Variants in ADGRG1 observed in about 807,000 individuals in gnomAD.
The protein encoded by ADGRG1 is adhesion G protein-coupled receptor G1.
ADGRG1 carries 53 observed loss-of-function variants against 73.5 expected under a neutral mutation model. The ratio of observed to expected loss-of-function variants is 0.72; its 90% confidence interval spans 0.58 to 0.91. The LOEUF (loss-of-function observed/expected upper bound fraction) is 0.91. Among genes scored for constraint, ADGRG1 ranks in the 40% least tolerant of loss-of-function variants. ADGRG1 has a pLI of 0.00. For synonymous variants in ADGRG1, 394 were observed against 374.4 expected (o/e 1.05, Z -0.60); for missense variants, 795 against 871.8 (o/e 0.91, Z 1.11).
chr16:57,653,624 G>A, intron 4 of ADGRG1: 8 of 971,342 alleles, frequency 8.2e-6, no homozygotes, highest in Middle Eastern at 5.3e-4. Context: ...GCTCAGAGAC[G>A]GCAGAGCCGC....
At chr16:57,660,580 GAAACCC>G in intron 11 of ADGRG1, 182 bp from the exon 12 acceptor site, 1 of 875,202 alleles carries the variant, frequency 1.1e-6, no homozygotes, top group African/African-American at 1.8e-5. Context: ...CCCCTTATAG[GAAACCC>G]ATACTGGAAT....
At chr16:57,623,866 C>A (rs191665667), upstream of ADGRG1, 7 of 974,444 alleles carry the variant, frequency 7.2e-6, no homozygotes, top group Non-Finnish European at 8.5e-6. Flanking sequence ...GAACATTGGC[C>A]GCAAAACACA....
At position 57,657,360 on chromosome 16, in the gene ADGRG1, C is replaced by G. The variant is rs982755512; in HGVS notation, c.1168-13C>G. On this transcript the variant is annotated splice_polypyrimidine_tract_variant and intron_variant, in intron 9 of 13. Transcript: ENST00000562631. ...GACACAGAGGCCAGCTCTCTCCTGT[C>G]TCCTGGGGCCAGGTCTCCTCGGTGG... 6.2e-7 allele frequency: 1 copy of G among 1,613,950 alleles called. No individual in the cohort carries two copies. The highest frequency in any genetic ancestry group is 1.1e-5 in the South Asian group (1 of 91,078).
At chr16:57,655,075 C>G (rs2148395400) in intron 5 of ADGRG1, 1 of 985,222 alleles carries the variant, frequency 1.0e-6, no homozygotes, top group East Asian at 1.1e-4. Context: ...GGGAACCACC[C>G]ACACTGCCCA....
chr16:57,641,820 T>C lies in ADGRG1; in HGVS notation c.-35-8433T>C, dbSNP rs149722665. 4.0e-3 allele frequency: 649 copies of C among 163,642 alleles called. 1 individual carries two copies. Among genetic ancestry groups the C allele is most frequent in the African/African-American group, 0.015 (610 of 41,752 alleles). 10.1% of individuals were successfully genotyped at this position (163,642 alleles called of 1,614,324 possible). On this transcript the variant is annotated intron_variant, in intron 1 of 13. Coordinates refer to ENST00000562631, the MANE Select transcript of ADGRG1 (RefSeq NM_201525.4). ...CCTCAAATGATCTGCCCACCTTGGC[T>C]TCCCAAAGTGCTGGGATTACAGGCG...
chr16:57,654,246 C>T (rs1186005556), intron 5 of ADGRG1, 113 bp downstream of exon 5: 70 of 1,097,210 alleles, frequency 6.4e-5, no homozygotes, highest in Admixed American at 1.1e-4. Context: ...TCCCTGGGGC[C>T]TCCCGAGAAG....
At chr16:57,645,569 C>T (rs191302051) in intron 1 of ADGRG1, among the ~76,000 whole-genome samples, 1 of 152,334 alleles carries the variant, frequency 6.6e-6, no homozygotes, top group African/African-American at 2.4e-5. Flanking sequence ...GGATGCGGGG[C>T]CAGTCCCTCC....
intron 1 of ADGRG1, chr16:57,645,040 C>A (rs2042225078): frequency 3.1e-6 from 3 of 977,864 alleles, no homozygotes; most frequent in Non-Finnish European, 3.6e-6. Flanking sequence ...CACACTCATG[C>A]ACATACACAC....
In ADGRG1 at chr16:57,653,350, T is replaced by C; in HGVS notation, c.620+15T>C. 1 of 1,606,216 alleles carries C rather than the reference T, an allele frequency of 6.2e-7. No homozygotes were observed. Among genetic ancestry groups the C allele is most frequent in the Middle Eastern group, 1.7e-4 (1 of 6,056 alleles). ...CCCGCCAGCCAGTAAGTTTGGCACCTGGGGCTGTGAGGGGAGGCAGGAAGG... is the reference window on the plus strand; with the variant it reads ...CCCGCCAGCCAGTAAGTTTGGCACCCGGGGCTGTGAGGGGAGGCAGGAAGG... On this transcript the variant is annotated intron_variant, in intron 4 of 13. Coordinates refer to ENST00000562631, the MANE Select transcript of ADGRG1 (RefSeq NM_201525.4).
rs2046279354 is a variant in ADGRG1 at position 57,658,432 on chromosome 16, A to G, written c.1286+941A>G. Among the ~76,000 whole-genome samples, 3 of 152,314 alleles carry G rather than the reference A, an allele frequency of 2.0e-5. No homozygotes were observed. The South Asian group carries it at 6.2e-4, about 32-fold the overall frequency. Reference sequence around the variant, plus strand: ...TCCACTTGCCCTCAGCGCTGAACCCATTTGGGTAGAGGAGAGGCACCCTCG... The same window carrying G: ...TCCACTTGCCCTCAGCGCTGAACCCGTTTGGGTAGAGGAGAGGCACCCTCG... On this transcript the variant is annotated intron_variant, in intron 10 of 13. Coordinates refer to ENST00000562631, the MANE Select transcript of ADGRG1 (RefSeq NM_201525.4).
chr16:57,624,620 C>A, upstream of ADGRG1: 1 of 475,652 alleles, frequency 2.1e-6, no homozygotes, highest in Non-Finnish European at 2.7e-6. Context: ...CTGCTCTGGC[C>A]AGAGGGTTAG....
At position 57,656,246 on chromosome 16, in the gene ADGRG1, T is replaced by C; in HGVS notation, c.1038T>C (p.Cys346=). Residue 346 remains cysteine, a synonymous_variant, in exon 8 of 14, where the codon TGT becomes TGC. Coordinates refer to ENST00000562631, the MANE Select transcript of ADGRG1 (RefSeq NM_201525.4). ...TACAGAAGAATGTGACTCTGCAATGTGTGTTCTGGGTTGAAGACCCCACAT... is the reference window on the plus strand; with the variant it reads ...TACAGAAGAATGTGACTCTGCAATGCGTGTTCTGGGTTGAAGACCCCACAT... ...QLQPKNVTLQ[C]VFWVEDPTLS... is the part of the protein sequence containing the mutation. 6.2e-7 allele frequency: 1 copy of C among 1,610,488 alleles called. No homozygotes were observed. The highest frequency in any genetic ancestry group is 1.3e-5 in the African/African-American group (1 of 74,448).
At chr16:57,650,192 C>T (rs2043695984) in intron 1 of ADGRG1, 61 bp from the exon 2 acceptor site, 1 of 1,562,286 alleles carries the variant, frequency 6.4e-7, no homozygotes, top group Non-Finnish European at 8.8e-7. Flanking sequence ...TCCTCTTCTG[C>T]AGGGCCAGCC....
At chr16:57,656,728 A>G (rs1172246459) in intron 9 of ADGRG1, 111 bp downstream of exon 9, 20 of 785,058 alleles carry the variant, frequency 2.5e-5, no homozygotes, top group Non-Finnish European at 4.2e-5. Context: ...TCTCCAAGGT[A>G]GCTTCTATTG....
chr16:57,644,472 A>G (rs1200081339), intron 1 of ADGRG1, among the ~76,000 whole-genome samples: 1 of 148,948 alleles, frequency 6.7e-6, no homozygotes, highest in Non-Finnish European at 1.5e-5. Flanking sequence ...ATGCACGGGC[A>G]CACACACCCA....
chr16:57,653,121 T>C, intron 3 of ADGRG1, 82 bp from the exon 4 acceptor site: 1 of 1,596,688 alleles, frequency 6.3e-7, no homozygotes. Flanking sequence ...CAGAGTCATG[T>C]CAGGGTGGTA....
intron 1 of ADGRG1, chr16:57,632,188 G>A (rs892105157): frequency 2.9e-5 from 29 of 985,340 alleles, no homozygotes; most frequent in Non-Finnish European, 2.0e-5. Flanking sequence ...CTTGTCCCTT[G>A]GTGGAGAGGA....
At chr16:57,645,083 G>C (rs2042250439) in intron 1 of ADGRG1, 7 of 985,398 alleles carry the variant, frequency 7.1e-6, no homozygotes, top group Non-Finnish European at 8.4e-6. Flanking sequence ...CCACATGCCT[G>C]TGTAACTCGC....
In ADGRG1 at chr16:57,637,898, A is replaced by AGT. The variant is rs2039770848; in HGVS notation, c.-36+9098_-36+9099dup. Among the ~76,000 whole-genome samples, 5 of 152,336 alleles carry AGT rather than the reference A, an allele frequency of 3.3e-5. No homozygotes were observed. The South Asian group carries it at 8.3e-4, about 25-fold the overall frequency. Reference sequence around the variant, plus strand: ...GGGTTCCCCACTTGTGCTCTGAGAAAGTGCTTGTAGCTGGTTGACTGAGAC... The same window carrying AGT: ...GGGTTCCCCACTTGTGCTCTGAGAAAGTGTGCTTGTAGCTGGTTGACTGAGAC... On this transcript the variant is annotated intron_variant, in intron 1 of 13. Transcript: ENST00000562631.
Sources: gnomAD v4.1 joint callset for allele counts (sites outside exome capture counted in the v4.1 genomes callset) on GRCh38, gnomAD v4.1.1 for gene constraint, MANE v1.5 for transcripts, NCBI Gene and HGNC (gene_info 2026-07-23, HGNC 2026-07-21) for gene names.